The following ANKRD30BL variants were observed in gnomAD, a reference collection of about 807,000 sequenced individuals.
ANKRD30BL encodes putative ankyrin repeat domain-containing protein 30B-like.
A neutral mutation model predicts 18.4 loss-of-function variants in ANKRD30BL; 20 were observed. The ratio of observed to expected loss-of-function variants is 1.09; its 90% confidence interval spans 0.77 to 1.58. The LOEUF is 1.58. Ranked by LOEUF, ANKRD30BL falls within the 40% of genes most tolerant of loss-of-function variation. The probability of loss-of-function intolerance (pLI) is 0.00; values close to 1 mark genes in which losing one functional copy is unlikely to be tolerated. For synonymous variants in ANKRD30BL, 72 were observed against 100.9 expected (o/e 0.71, Z 1.72); for missense variants, 224 against 268.6 (o/e 0.83, Z 1.16).
upstream of ANKRD30BL, among the ~76,000 whole-genome samples, chr2:132,166,448 T>A (rs1320708752): frequency 1.3e-5 from 2 of 151,442 alleles, no homozygotes; most frequent in African/African-American, 4.9e-5. Context: ...TGAGGGGGGG[T>A]TATTAACTAT....
At chr2:132,183,171 C>T (rs1688504515) in intron 1 of ANKRD30BL, among the ~76,000 whole-genome samples, 1 of 150,182 alleles carries the variant, frequency 6.7e-6, no homozygotes. Flanking sequence ...TGCTCTGTCA[C>T]CCAGGCTGGA....
chr2:132,184,581 T>C (rs1688531598), intron 1 of ANKRD30BL, among the ~76,000 whole-genome samples: 1 of 152,198 alleles, frequency 6.6e-6, no homozygotes. Context: ...AATTTAACTT[T>C]AATGTTAAAA....
intron 1 of ANKRD30BL, among the ~76,000 whole-genome samples, chr2:132,197,644 GT>G (rs1315811244): frequency 6.6e-6 from 1 of 151,570 alleles, no homozygotes. Context: ...GTGTAGAGAG[GT>G]TTGTTAACTT....
chr2:132,157,377 T>C lies in ANKRD30BL; in HGVS notation c.265A>G (p.Thr89Ala), dbSNP rs1430290657. 1 of 751,958 alleles carries C rather than the reference T, an allele frequency of 1.3e-6. No individual in the cohort carries two copies. The highest frequency in any genetic ancestry group is 1.9e-5 in the Admixed American group (1 of 53,470). The allele number at this position is 751,958 out of a possible 1,614,324, so 46.6% of individuals were successfully genotyped here. A position where few individuals can be genotyped will look rare whatever the true frequency, so the allele number is the denominator to read the frequency against. ...TGACACTTTCTATCTACCAGAAGTG[T>C]TACTACTTCTGCATGGCCATTGGCA... ...ACANGHAEVV[T>A]LLVDRKCQLD... Residue 89 changes from threonine (T) to alanine (A), a missense_variant, in exon 2 of 6, where the codon ACA becomes GCA. Physicochemically the swap from Thr to Ala is moderately conservative, Grantham distance 58 (BLOSUM62 0). Coordinates refer to ENST00000409867, the MANE Select transcript of ANKRD30BL (RefSeq NM_001358416.1).
intron 1 of ANKRD30BL, among the ~76,000 whole-genome samples, chr2:132,198,324 C>CTTTCTTTCTTT (rs1387738908): frequency 5.9e-5 from 1 of 16,814 alleles, no homozygotes. Flanking sequence ...TTCTTTCTTT[C>CTTTCTTTCTTT]TTTTTTTTTT....
intron 1 of ANKRD30BL, among the ~76,000 whole-genome samples, chr2:132,200,587 G>C (rs1458779450): frequency 6.6e-6 from 1 of 152,128 alleles, no homozygotes; most frequent in African/African-American, 2.4e-5. Flanking sequence ...GGACTTACAA[G>C]GGATGTGAAG....
intron 1 of ANKRD30BL, among the ~76,000 whole-genome samples, chr2:132,199,160 G>T (rs137981405): frequency 6.6e-6 from 1 of 151,954 alleles, no homozygotes; most frequent in African/African-American, 2.4e-5. Flanking sequence ...GACCATTTTG[G>T]CCAAGATGGT....
chr2:132,186,106 G>A (rs1273669934), intron 1 of ANKRD30BL, among the ~76,000 whole-genome samples: 1 of 150,868 alleles, frequency 6.6e-6, no homozygotes, highest in South Asian at 2.1e-4. Flanking sequence ...CTCCAACCTG[G>A]GTGACAGAGC....
intron 1 of ANKRD30BL, among the ~76,000 whole-genome samples, chr2:132,170,280 G>A (rs1344165447): frequency 6.6e-6 from 1 of 152,088 alleles, no homozygotes; most frequent in Non-Finnish European, 1.5e-5. Context: ...GCTCACCGAC[G>A]CTTTGAAGGG....
At chr2:132,235,357 G>A (rs191814361) in intron 1 of ANKRD30BL, among the ~76,000 whole-genome samples, 37 of 152,246 alleles carry the variant, frequency 2.4e-4, no homozygotes, top group Admixed American at 1.0e-3. Context: ...GCAGGAGAAG[G>A]AAATAAAGAG....
At chr2:132,181,461 C>CAA (rs151177463) in intron 1 of ANKRD30BL, among the ~76,000 whole-genome samples, 189 of 145,872 alleles carry the variant, frequency 1.3e-3, no homozygotes, top group East Asian at 4.5e-3. Context: ...GACTCTGTTT[C>CAA]AAAAAAAAAA....
chr2:132,256,087 A>G (rs1268935096), intron 1 of ANKRD30BL, among the ~76,000 whole-genome samples: 5 of 152,170 alleles, frequency 3.3e-5, no homozygotes, highest in Non-Finnish European at 7.3e-5. Context: ...AAGAACCATA[A>G]CTGATTTAAT....
chr2:132,170,302 G>A (rs1688255022), intron 1 of ANKRD30BL, among the ~76,000 whole-genome samples: 1 of 152,168 alleles, frequency 6.6e-6, no homozygotes, highest in Non-Finnish European at 1.5e-5. Flanking sequence ...GAGAAAAATG[G>A]AATTTATTGG....
At chr2:132,218,885 G>C (rs1194319904) in intron 1 of ANKRD30BL, among the ~76,000 whole-genome samples, 1 of 152,054 alleles carries the variant, frequency 6.6e-6, no homozygotes, top group Non-Finnish European at 1.5e-5. Context: ...CCTTTCTTTT[G>C]ATAGAGCTGA....
At chr2:132,241,324 T>A (rs989235705) in intron 1 of ANKRD30BL, among the ~76,000 whole-genome samples, 19 of 151,670 alleles carry the variant, frequency 1.3e-4, no homozygotes, top group African/African-American at 4.6e-4. Context: ...CTTTGAGGAT[T>A]TTGTTGGAAA....
intron 1 of ANKRD30BL, among the ~76,000 whole-genome samples, chr2:132,174,378 T>C (rs1413955171): frequency 2.6e-5 from 4 of 152,190 alleles, no homozygotes; most frequent in Admixed American, 6.5e-5. Flanking sequence ...ATCTCTACTC[T>C]CAGTGAAAGG....
At chr2:132,189,068 T>C (rs1384758149) in intron 1 of ANKRD30BL, among the ~76,000 whole-genome samples, 1 of 152,186 alleles carries the variant, frequency 6.6e-6, no homozygotes, top group Admixed American at 6.5e-5. Context: ...GAAAGAACCA[T>C]CTGCTTATAC....
intron 1 of ANKRD30BL, among the ~76,000 whole-genome samples, chr2:132,247,537 C>T (rs147250549): frequency 1.3e-5 from 2 of 151,788 alleles, no homozygotes; most frequent in Admixed American, 1.3e-4. Context: ...GTGATGAATG[C>T]ACACATTACA....
chr2:132,242,985 C>T (rs762308677), intron 1 of ANKRD30BL, among the ~76,000 whole-genome samples: 38 of 151,114 alleles, frequency 2.5e-4, no homozygotes, highest in Non-Finnish European at 4.7e-4. Flanking sequence ...TTTTGAAACA[C>T]TCTTCTTGTA....
Sources: allele counts gnomAD v4.1 joint callset (sites outside exome capture counted in the v4.1 genomes callset), GRCh38; gene constraint gnomAD v4.1.1; transcripts MANE v1.5; gene names NCBI Gene and HGNC (gene_info 2026-07-23, HGNC 2026-07-21).